Variants in PPM1H observed in about 807,000 individuals in gnomAD.
PPM1H encodes the protein protein phosphatase 1H.
A neutral mutation model predicts 54.9 loss-of-function variants in PPM1H; 27 were observed. The ratio of observed to expected loss-of-function variants is 0.49; its 90% confidence interval spans 0.36 to 0.68. The LOEUF (loss-of-function observed/expected upper bound fraction) is 0.68, where lower values mean the gene tolerates loss of function less well. Among genes scored for constraint, PPM1H ranks in the 30% least tolerant of loss-of-function variants. PPM1H has a pLI of 0.00. For synonymous variants in PPM1H, 305 were observed against 270.8 expected, an observed-to-expected ratio of 1.13 and a Z score of -1.24; for missense variants, 596 against 667.8, an observed-to-expected ratio of 0.89 and a Z score of 1.19.
At chr12:62,822,874 G>A (rs965480855) in intron 2 of PPM1H, among the ~76,000 whole-genome samples, 10 of 151,950 alleles carry the variant, frequency 6.6e-5, no homozygotes, top group African/African-American at 2.4e-4. Context: ...GCTAGCAGAA[G>A]GCAAGAAATA....
Position 62,648,325 on chromosome 12 carries a change from C to G in PPM1H, c.*164G>C. 1.2e-6 allele frequency: 1 copy of G among 820,742 alleles called. No individual in the cohort carries two copies. Among genetic ancestry groups the G allele is most frequent in the Non-Finnish European group, 1.9e-6 (1 of 537,424 alleles). 50.8% of individuals were successfully genotyped at this position (820,742 alleles called of 1,614,324 possible). On this transcript the variant is annotated 3_prime_UTR_variant, in exon 10 of 10. Coordinates refer to ENST00000228705, the MANE Select transcript of PPM1H (RefSeq NM_020700.2). ...CCTGTTACTAAAGAAGAAATGGAAA[C>G]CAAAGGGTCATCTTGAAGCATAGTC...
intron 1 of PPM1H, among the ~76,000 whole-genome samples, chr12:62,847,509 G>T (rs1038897222): frequency 1.3e-5 from 2 of 152,164 alleles, no homozygotes; most frequent in African/African-American, 4.8e-5. Flanking sequence ...TAAATGAAAG[G>T]TTTGTTGACT....
intron 4 of PPM1H, among the ~76,000 whole-genome samples, chr12:62,775,258 C>A (rs976896785): frequency 6.6e-6 from 1 of 152,164 alleles, no homozygotes; most frequent in Non-Finnish European, 1.5e-5. Context: ...ACAGGCAAGT[C>A]CGGCAGCCTC....
At chr12:62,786,628 G>T (rs1028791779) in intron 4 of PPM1H, among the ~76,000 whole-genome samples, 57 of 152,124 alleles carry the variant, frequency 3.7e-4, no homozygotes, top group South Asian at 2.1e-4. Flanking sequence ...GTTCCTCAGG[G>T]TGGTCAACTC....
In PPM1H at chr12:62,658,212, T is replaced by TTTC. The variant is rs768288538; in HGVS notation, c.1397+8965_1397+8966insGAA. On this transcript the variant is annotated intron_variant, in intron 9 of 9. Coordinates refer to ENST00000228705, the MANE Select transcript of PPM1H (RefSeq NM_020700.2). ...TTTTTTTTTTTTTTTTTTTTTTTTT[T>TTTC]AAGTAAAAAAGAAGTTTCCACAGAC... Among the ~76,000 whole-genome samples, 524 of 130,570 alleles carry TTTC rather than the reference T, an allele frequency of 4.0e-3. 12 individuals are homozygous for TTTC. Among genetic ancestry groups the TTTC allele is most frequent in the African/African-American group, 0.013 (433 of 33,584 alleles). 85.7% of individuals were successfully genotyped at this position (130,570 alleles called of 152,430 possible).
intron 8 of PPM1H, among the ~76,000 whole-genome samples, chr12:62,680,675 A>G (rs1056521210): frequency 6.6e-6 from 1 of 152,012 alleles, no homozygotes; most frequent in Admixed American, 6.6e-5. Flanking sequence ...CCCAGCCCCA[A>G]CTCACATCTG....
intron 1 of PPM1H, among the ~76,000 whole-genome samples, chr12:62,880,752 A>C (rs682732): frequency 0.98 from 149,311 of 152,270 alleles, 73,207 homozygotes; most frequent in East Asian, 1. Context: ...CTAAGTAGCT[A>C]AGCCTGTTTT....
intron 4 of PPM1H, among the ~76,000 whole-genome samples, chr12:62,739,153 T>C (rs991623800): frequency 6.6e-5 from 10 of 152,090 alleles, no homozygotes; most frequent in Admixed American, 2.0e-4. Context: ...ATGAGGCCTC[T>C]TATAATACTC....
Position 62,841,107 on chromosome 12 carries a change from A to G in PPM1H, c.246-8828T>C, listed in dbSNP as rs370864843. On this transcript the variant is annotated intron_variant, in intron 1 of 9. Coordinates refer to ENST00000228705, the MANE Select transcript of PPM1H (RefSeq NM_020700.2). ...ATGAGGAGAATGAGGTGCCACTGAT[A>G]ATGAAGGGAGGTGAGAAGGTGAAAC... 2.0e-5 allele frequency among the ~76,000 whole-genome samples: 3 copies of G among 152,030 alleles called. No individual in the cohort carries two copies. The East Asian group carries it at 5.8e-4, about 29-fold the overall frequency.
intron 9 of PPM1H, among the ~76,000 whole-genome samples, chr12:62,650,202 T>A (rs1479691323): frequency 6.6e-6 from 1 of 152,230 alleles, no homozygotes; most frequent in East Asian, 1.9e-4. Flanking sequence ...AGTTGTTCAG[T>A]CTTTGAGGAT....
chr12:62,889,781 T>G (rs1245080604), intron 1 of PPM1H, among the ~76,000 whole-genome samples: 6 of 152,184 alleles, frequency 3.9e-5, no homozygotes, highest in African/African-American at 1.2e-4. Context: ...TAATTTGAAA[T>G]GAATCGCAAA....
At chr12:62,724,695 G>A (rs138643985) in intron 5 of PPM1H, among the ~76,000 whole-genome samples, 40 of 152,080 alleles carry the variant, frequency 2.6e-4, no homozygotes, top group Admixed American at 9.2e-4. Context: ...GCCATTAGAC[G>A]CACCATCATT....
chr12:62,664,163 G>C (rs2075903566), intron 9 of PPM1H, among the ~76,000 whole-genome samples: 1 of 152,142 alleles, frequency 6.6e-6, no homozygotes, highest in Non-Finnish European at 1.5e-5. Context: ...TGTGGCCAGA[G>C]GTTCCCTGTG....
chr12:62,878,047 G>A (rs1052447186), intron 1 of PPM1H, among the ~76,000 whole-genome samples: 5 of 152,028 alleles, frequency 3.3e-5, no homozygotes, highest in South Asian at 2.1e-4. Flanking sequence ...ACAGGCGCCC[G>A]CCACCACGCC....
intron 1 of PPM1H, among the ~76,000 whole-genome samples, chr12:62,849,386 C>T (rs1869095877): frequency 6.6e-6 from 1 of 152,186 alleles, no homozygotes; most frequent in African/African-American, 2.4e-5. Context: ...TTATCTGTCC[C>T]ATTCTATAAA....
chr12:62,853,800 G>A (rs1869283182), intron 1 of PPM1H, among the ~76,000 whole-genome samples: 1 of 152,164 alleles, frequency 6.6e-6, no homozygotes, highest in African/African-American at 2.4e-5. Flanking sequence ...TCTATTGTCT[G>A]TCTTGCTATA....
At chr12:62,910,943 C>A (rs1357849827) in intron 1 of PPM1H, among the ~76,000 whole-genome samples, 2 of 152,084 alleles carry the variant, frequency 1.3e-5, no homozygotes, top group African/African-American at 4.8e-5. Context: ...ATGATAAAAA[C>A]TAAAAAAATT....
chr12:62,732,458 C>A (rs896658079), intron 5 of PPM1H, among the ~76,000 whole-genome samples: 1 of 152,182 alleles, frequency 6.6e-6, no homozygotes, highest in African/African-American at 2.4e-5. Context: ...GGACTCTGAC[C>A]ACCTTCTTCA....
intron 1 of PPM1H, chr12:62,850,979 A>C (rs1462431292): frequency 1.3e-5 from 2 of 152,222 alleles, no homozygotes; most frequent in South Asian, 2.1e-4. Context: ...AATTGAAGAA[A>C]AACCTTGTAA....
Sources: allele counts gnomAD v4.1 joint callset (sites outside exome capture counted in the v4.1 genomes callset), GRCh38; gene constraint gnomAD v4.1.1; transcripts MANE v1.5; gene names NCBI Gene and HGNC (gene_info 2026-07-23, HGNC 2026-07-21).